The following ARHGAP10 variants were observed in gnomAD, a reference collection of about 807,000 sequenced individuals.
The protein encoded by ARHGAP10 is rho GTPase-activating protein 10.
ARHGAP10 carries 87 observed loss-of-function variants against 108.6 expected under a neutral mutation model. The observed-to-expected ratio is 0.80, with a 90% CI of 0.67 to 0.96. ARHGAP10 has a LOEUF of 0.96. Ranked by LOEUF, ARHGAP10 falls within the 40% of genes least tolerant of loss-of-function variation. The pLI, the probability that ARHGAP10 is intolerant of heterozygous loss-of-function variation, is 0.00. For missense variants in ARHGAP10, 939 were observed against 954.5 expected, an observed-to-expected ratio of 0.98 and a Z score of 0.21; for synonymous variants, 347 against 341.1, an observed-to-expected ratio of 1.02 and a Z score of -0.19.
chr4:147,997,139 G>GT (rs1486632529), intron 18 of ARHGAP10, among the ~76,000 whole-genome samples: 1 of 152,228 alleles, frequency 6.6e-6, no homozygotes, highest in African/African-American at 2.4e-5. Context: ...CACCCCTGGT[G>GT]TAGTGGTGTG....
intron 3 of ARHGAP10, among the ~76,000 whole-genome samples, chr4:147,845,271 T>C (rs780615152): frequency 3.9e-5 from 6 of 152,232 alleles, no homozygotes; most frequent in Non-Finnish European, 7.3e-5. Context: ...CTCCTACTTT[T>C]CTTCATTGGA....
intron 1 of ARHGAP10, among the ~76,000 whole-genome samples, chr4:147,797,390 A>C (rs2126754810): frequency 6.6e-6 from 1 of 151,882 alleles, no homozygotes; most frequent in East Asian, 1.9e-4. Flanking sequence ...TGTTTTTCTC[A>C]TGGTCCAACG....
At chr4:148,060,843 G>T (rs1264004746) in intron 20 of ARHGAP10, among the ~76,000 whole-genome samples, 1 of 152,064 alleles carries the variant, frequency 6.6e-6, no homozygotes, top group Non-Finnish European at 1.5e-5. Context: ...ATCACATAGC[G>T]CATGTGTTAA....
At chr4:147,822,671 T>G in intron 1 of ARHGAP10, 56 bp from the exon 2 acceptor site, 1 of 1,526,382 alleles carries the variant, frequency 6.6e-7, no homozygotes, top group Non-Finnish European at 9.1e-7. Flanking sequence ...AATAAATTTC[T>G]TTTATGCTTT....
chr4:147,827,805 C>CT (rs1045989535), intron 3 of ARHGAP10, among the ~76,000 whole-genome samples: 6 of 151,426 alleles, frequency 4.0e-5, no homozygotes, highest in African/African-American at 7.3e-5. Context: ...GTCACTTAAT[C>CT]TTTTTTTTTG....
chr4:147,969,653 GGGAGATAAGTACAT>G (rs1257972983), intron 18 of ARHGAP10, among the ~76,000 whole-genome samples: 1 of 152,052 alleles, frequency 6.6e-6, no homozygotes, highest in African/African-American at 2.4e-5. Flanking sequence ...TTTGAAGCTG[GGGAGATAAGTACAT>G]GATTTGTCTG....
chr4:147,897,418 T>C (rs1318896434), intron 10 of ARHGAP10, among the ~76,000 whole-genome samples: 2 of 152,106 alleles, frequency 1.3e-5, no homozygotes, highest in Non-Finnish European at 2.9e-5. Flanking sequence ...ATATATAATG[T>C]TTGATACGTA....
chr4:147,999,107 CT>C (rs1363878224), intron 18 of ARHGAP10, among the ~76,000 whole-genome samples: 1 of 152,162 alleles, frequency 6.6e-6, no homozygotes, highest in Non-Finnish European at 1.5e-5. Context: ...CTAAGAATCC[CT>C]AAACCTAGCT....
rs1728455602 is a variant in ARHGAP10 at position 147,737,251 on chromosome 4, A to G, written c.154+4796A>G. 2.0e-5 allele frequency among the ~76,000 whole-genome samples: 3 copies of G among 151,982 alleles called. No individual in the cohort carries two copies. In the South Asian group the frequency reaches 6.2e-4, roughly 32 times the overall value. On this transcript the variant is annotated intron_variant, in intron 1 of 22. Coordinates refer to ENST00000336498, the MANE Select transcript of ARHGAP10 (RefSeq NM_024605.4). ...GGGCAACCTCCGTCTCCCGGGTTCA[A>G]GTGATTCTTGTGCCTTAGCCTCCCA...
chr4:147,816,117 G>A (rs1183786073), intron 1 of ARHGAP10, among the ~76,000 whole-genome samples: 1 of 152,100 alleles, frequency 6.6e-6, no homozygotes, highest in African/African-American at 2.4e-5. Flanking sequence ...CTAGGTGGTC[G>A]CCAGCATTCT....
intron 1 of ARHGAP10, among the ~76,000 whole-genome samples, chr4:147,758,677 A>T (rs930949752): frequency 1.5e-4 from 22 of 151,020 alleles, no homozygotes; most frequent in Admixed American, 2.0e-4. Flanking sequence ...TTTTTAATTT[A>T]TTATTATTAT....
intron 13 of ARHGAP10, among the ~76,000 whole-genome samples, chr4:147,928,235 G>A (rs146631700): frequency 1.6e-3 from 242 of 152,244 alleles, no homozygotes; most frequent in Non-Finnish European, 2.6e-3. Context: ...CCAAAAATAC[G>A]GGTTTAGACC....
rs944086538 is a variant in ARHGAP10, at chr4:147,850,831, C to T, written c.384+3609C>T. Among the ~76,000 whole-genome samples, 7 of 152,312 alleles carry T rather than the reference C, an allele frequency of 4.6e-5. No homozygotes were observed. The East Asian group carries it at 5.8e-4, about 13-fold the overall frequency. On this transcript the variant is annotated intron_variant, in intron 4 of 22. Coordinates refer to ENST00000336498, the MANE Select transcript of ARHGAP10 (RefSeq NM_024605.4). ...TTCTTATTTTCTTTTGAAGCTCCTT[C>T]ACCCTTTTTGAGCTTGGCACTTATT...
At chr4:147,828,020 A>G (rs1408515064) in intron 3 of ARHGAP10, among the ~76,000 whole-genome samples, 2 of 152,044 alleles carry the variant, frequency 1.3e-5, no homozygotes, top group Non-Finnish European at 2.9e-5. Context: ...TGGCCAGATG[A>G]TCTCAATTTC....
chr4:147,917,287 T>TG (rs1737028014), intron 13 of ARHGAP10: 1 of 152,220 alleles, frequency 6.6e-6, no homozygotes, highest in Non-Finnish European at 1.5e-5. Flanking sequence ...ATTGAGCTAA[T>TG]GTATTGAAGG....
intron 18 of ARHGAP10, among the ~76,000 whole-genome samples, chr4:147,967,344 G>GC (rs1198338529): frequency 6.6e-6 from 1 of 152,348 alleles, no homozygotes; most frequent in East Asian, 1.9e-4. Flanking sequence ...GAAACCGCCT[G>GC]CCTTGCAAAG....
chr4:147,758,712 C>G, intron 1 of ARHGAP10, among the ~76,000 whole-genome samples: 1 of 151,660 alleles, frequency 6.6e-6, no homozygotes, highest in Non-Finnish European at 1.5e-5. Context: ...AGTGTGGTGG[C>G]TCAGGCCTGT....
chr4:147,903,679 A>T (rs115533936), intron 10 of ARHGAP10, among the ~76,000 whole-genome samples: 1 of 152,178 alleles, frequency 6.6e-6, no homozygotes, highest in Non-Finnish European at 1.5e-5. Flanking sequence ...GACCTTTTCC[A>T]GAGTGTCATC....
chr4:147,903,345 G>A (rs1018148440), intron 10 of ARHGAP10, among the ~76,000 whole-genome samples: 7 of 152,180 alleles, frequency 4.6e-5, no homozygotes, highest in African/African-American at 1.7e-4. Context: ...AGTCAGAAGA[G>A]GAAGATAGAG....
Sources: allele counts gnomAD v4.1 joint callset (sites outside exome capture counted in the v4.1 genomes callset), GRCh38; gene constraint gnomAD v4.1.1; transcripts MANE v1.5; gene names NCBI Gene and HGNC (gene_info 2026-07-23, HGNC 2026-07-21).